GLRA3: variants seen among roughly 807,000 people sequenced by gnomAD.
GLRA3 encodes glycine receptor subunit alpha-3.
In GLRA3, 44 loss-of-function variants were observed where a neutral mutation model predicts 60.4. That is an observed-to-expected ratio of 0.73 (90% confidence interval 0.57 to 0.94). The LOEUF (loss-of-function observed/expected upper bound fraction) is 0.94. Among genes scored for constraint, GLRA3 ranks in the 40% least tolerant of loss-of-function variants. The pLI is 0.00. For missense variants in GLRA3, 508 were observed against 564.6 expected (o/e 0.90, Z 1.02); for synonymous variants, 223 against 192.9 (o/e 1.16, Z -1.29).
Position 174,780,635 on chromosome 4 carries a change from G to C in GLRA3, c.199+8181C>G, listed in dbSNP as rs894449799. On this transcript the variant is annotated intron_variant, in intron 2 of 9. Coordinates refer to ENST00000274093, the MANE Select transcript of GLRA3 (RefSeq NM_006529.4). The stretch of plus-strand genomic sequence containing the variant: ...TGGAGGAAGATCTACCAAGCAAATG[G>C]AAAACAAAAAAAGTCAGGGGTTGCA... Among the ~76,000 whole-genome samples, 5 of 150,508 alleles carry C rather than the reference G, an allele frequency of 3.3e-5. No homozygotes were observed. In the East Asian group the frequency reaches 9.7e-4, roughly 29 times the overall value.
intron 6 of GLRA3, among the ~76,000 whole-genome samples, chr4:174,679,097 C>T (rs377204909): frequency 6.6e-6 from 1 of 151,856 alleles, no homozygotes; most frequent in Non-Finnish European, 1.5e-5. Context: ...TTTGGGAGGC[C>T]GAGGCGGGAG....
At chr4:174,673,695 T>G (rs1733994426) in intron 7 of GLRA3, among the ~76,000 whole-genome samples, 1 of 152,176 alleles carries the variant, frequency 6.6e-6, no homozygotes, top group Non-Finnish European at 1.5e-5. Context: ...ACTTCCCAAT[T>G]CATTTGTAGT....
intron 4 of GLRA3, among the ~76,000 whole-genome samples, chr4:174,719,212 C>T (rs538405583): frequency 6.6e-6 from 1 of 152,058 alleles, no homozygotes; most frequent in African/African-American, 2.4e-5. Context: ...ATCCGCCCGC[C>T]TCGGCCTCCC....
At chr4:174,691,198 T>C (rs1455677307) in intron 5 of GLRA3, among the ~76,000 whole-genome samples, 1 of 152,222 alleles carries the variant, frequency 6.6e-6, no homozygotes, top group Non-Finnish European at 1.5e-5. Flanking sequence ...TTTGACTTTT[T>C]AGTAATAGCC....
chr4:174,642,391 A>G lies in GLRA3; in HGVS notation c.*1395T>C. ...TGGACTGAGTTTGTGCATCTGACCAATAATTAAAATACCTAAAAAGCATTC... is the reference window on the plus strand; with the variant it reads ...TGGACTGAGTTTGTGCATCTGACCAGTAATTAAAATACCTAAAAAGCATTC... On this transcript the variant is annotated 3_prime_UTR_variant, in exon 10 of 10. Coordinates refer to ENST00000274093, the MANE Select transcript of GLRA3 (RefSeq NM_006529.4). 1.0e-6 allele frequency: 1 copy of G among 964,248 alleles called. No homozygotes were observed. Among genetic ancestry groups the G allele is most frequent in the East Asian group, 1.1e-4 (1 of 8,710 alleles). The allele number at this position is 964,248 out of a possible 1,614,324, so 59.7% of individuals were successfully genotyped here.
rs139854334 is a variant in GLRA3, at chr4:174,826,009, C to T, written c.71+2732G>A. On this transcript the variant is annotated intron_variant, in intron 1 of 9. Transcript: ENST00000274093. The stretch of plus-strand genomic sequence containing the variant: ...ACATAAAACTACATAGGAATACTGG[C>T]AGTATCTACTAAAGTTAAACACACC... 3.3e-3 allele frequency among the ~76,000 whole-genome samples: 502 copies of T among 152,234 alleles called. 6 individuals are homozygous for T. Among genetic ancestry groups the T allele is most frequent in the African/African-American group, 0.011 (477 of 41,550 alleles).
chr4:174,809,868 T>A (rs1324183224), intron 1 of GLRA3, among the ~76,000 whole-genome samples: 3 of 152,096 alleles, frequency 2.0e-5, no homozygotes, highest in Non-Finnish European at 2.9e-5. Flanking sequence ...TTAATCCATA[T>A]GCAAATTTTA....
At chr4:174,655,617 C>T (rs183109056) in intron 9 of GLRA3, among the ~76,000 whole-genome samples, 1 of 152,078 alleles carries the variant, frequency 6.6e-6, no homozygotes, top group African/African-American at 2.4e-5. Flanking sequence ...AGTCTAATAC[C>T]TACTTGTATC....
At chr4:174,693,136 T>C (rs1458805419) in intron 5 of GLRA3, among the ~76,000 whole-genome samples, 1 of 152,206 alleles carries the variant, frequency 6.6e-6, no homozygotes, top group Non-Finnish European at 1.5e-5. Flanking sequence ...TAGTCTCTTT[T>C]ACTGTGCAGA....
chr4:174,668,186 C>T (rs771537055), intron 7 of GLRA3, among the ~76,000 whole-genome samples: 2 of 152,088 alleles, frequency 1.3e-5, no homozygotes, highest in Non-Finnish European at 2.9e-5. Context: ...GCCTGGATAG[C>T]CCATAGAATC....
chr4:174,665,101 C>T (rs778186906), intron 7 of GLRA3, among the ~76,000 whole-genome samples: 52 of 152,234 alleles, frequency 3.4e-4, no homozygotes, highest in Non-Finnish European at 6.8e-4. Flanking sequence ...GAAGACCTCC[C>T]TGTGGAAGGG....
intron 5 of GLRA3, among the ~76,000 whole-genome samples, chr4:174,711,852 A>AT (rs1328815031): frequency 2.0e-5 from 3 of 151,850 alleles, no homozygotes; most frequent in African/African-American, 7.3e-5. Flanking sequence ...TCAGATATAC[A>AT]TTTTTTCATT....
intron 2 of GLRA3, among the ~76,000 whole-genome samples, chr4:174,780,676 A>AC (rs1448789384): frequency 6.6e-6 from 1 of 151,498 alleles, no homozygotes; most frequent in African/African-American, 2.4e-5. Context: ...AGTCTCTGAT[A>AC]AAACAGACTT....
intron 3 of GLRA3, among the ~76,000 whole-genome samples, chr4:174,744,109 CA>C (rs1362786342): frequency 6.6e-6 from 1 of 152,184 alleles, no homozygotes; most frequent in Non-Finnish European, 1.5e-5. Context: ...CTGCAGCCAT[CA>C]AAAGTAGTTA....
At chr4:174,647,565 C>T (rs752049808) in intron 9 of GLRA3, among the ~76,000 whole-genome samples, 4 of 152,146 alleles carry the variant, frequency 2.6e-5, no homozygotes, top group Non-Finnish European at 4.4e-5. Context: ...CCTTCTGCAA[C>T]TCCAGGCAAG....
At chr4:174,733,139 CT>C (rs1354610075) in intron 3 of GLRA3, among the ~76,000 whole-genome samples, 2 of 152,048 alleles carry the variant, frequency 1.3e-5, no homozygotes, top group African/African-American at 4.8e-5. Flanking sequence ...GTGAAACTGA[CT>C]GGGTCTCTGG....
Position 174,643,576 on chromosome 4 carries a change from G to T in GLRA3, c.*210C>A, listed in dbSNP as rs1732692496. 1 of 1,235,232 alleles carries T rather than the reference G, an allele frequency of 8.1e-7. No individual in the cohort carries two copies. The allele number at this position is 1,235,232 out of a possible 1,614,324, so 76.5% of individuals were successfully genotyped here. ...AATCACCTGGAATTAATATGAAATA[G>T]AATCCCCTAATAAATATTTTATATT... On this transcript the variant is annotated 3_prime_UTR_variant, in exon 10 of 10. Coordinates refer to ENST00000274093, the MANE Select transcript of GLRA3 (RefSeq NM_006529.4).
chr4:174,789,753 A>C (rs1217597324), intron 1 of GLRA3, among the ~76,000 whole-genome samples: 1 of 152,200 alleles, frequency 6.6e-6, no homozygotes, highest in African/African-American at 2.4e-5. Flanking sequence ...CTGCTTGTTA[A>C]GATCAAATGA....
intron 7 of GLRA3, among the ~76,000 whole-genome samples, chr4:174,671,385 GT>G (rs199903445): frequency 0.023 from 3,499 of 150,872 alleles, 64 homozygotes; most frequent in Middle Eastern, 0.072. Context: ...AAATTTAAGG[GT>G]TTTTTTTTAG....
Sources: gnomAD v4.1 joint callset for allele counts (sites outside exome capture counted in the v4.1 genomes callset) on GRCh38, gnomAD v4.1.1 for gene constraint, MANE v1.5 for transcripts, NCBI Gene and HGNC (gene_info 2026-07-23, HGNC 2026-07-21) for gene names.